The following EXOC4 variants were observed in gnomAD, a reference collection of about 807,000 sequenced individuals.
EXOC4 encodes the protein SEC8-like 1.
Under a neutral mutation model 107.2 loss-of-function variants are expected in EXOC4, and 71 were observed. That is an observed-to-expected ratio of 0.66 (90% CI 0.55 to 0.81). The LOEUF is 0.81. Among genes scored for constraint, EXOC4 ranks in the 30% least tolerant of loss-of-function variants. The probability of loss-of-function intolerance (pLI) is 0.00; values close to 1 mark genes in which losing one functional copy is unlikely to be tolerated. For missense variants in EXOC4, 1,108 were observed against 1,189.6 expected (o/e 0.93, Z 1.01); for synonymous variants, 456 against 441.2 (o/e 1.03, Z -0.42).
intron 10 of EXOC4, among the ~76,000 whole-genome samples, chr7:133,701,594 A>G (rs1251981228): frequency 6.6e-6 from 1 of 152,184 alleles, no homozygotes; most frequent in East Asian, 1.9e-4. Flanking sequence ...GATAAGATTT[A>G]ATTTATAAAT....
intron 9 of EXOC4, among the ~76,000 whole-genome samples, chr7:133,515,196 T>C (rs1278098471): frequency 6.6e-6 from 1 of 152,110 alleles, no homozygotes; most frequent in Non-Finnish European, 1.5e-5. Flanking sequence ...ACCAATATTG[T>C]TTGTGCAATT....
At chr7:133,360,146 AT>A (rs952049965) in intron 6 of EXOC4, among the ~76,000 whole-genome samples, 6 of 152,192 alleles carry the variant, frequency 3.9e-5, no homozygotes, top group African/African-American at 1.2e-4. Flanking sequence ...TTCAGAATCA[AT>A]TTCTTCAACT....
chr7:133,860,513 GAAAAGA>G (rs1218614366), intron 11 of EXOC4, among the ~76,000 whole-genome samples: 3 of 152,146 alleles, frequency 2.0e-5, no homozygotes, highest in African/African-American at 7.2e-5. Flanking sequence ...AAGGACTATG[GAAAAGA>G]AAAAGAAATC....
chr7:133,265,102 C>CT (rs765524685), intron 1 of EXOC4, among the ~76,000 whole-genome samples: 2 of 152,184 alleles, frequency 1.3e-5, no homozygotes, highest in African/African-American at 2.4e-5. Context: ...GCTCTAGACT[C>CT]TTTTTTTCTT....
chr7:134,027,147 C>T (rs1454190903), intron 17 of EXOC4, among the ~76,000 whole-genome samples: 5 of 152,104 alleles, frequency 3.3e-5, no homozygotes, highest in African/African-American at 1.2e-4. Context: ...TCCTTTGTCA[C>T]TTTAACAGTA....
At chr7:133,594,920 G>A (rs1352948397) in intron 9 of EXOC4, among the ~76,000 whole-genome samples, 1 of 152,192 alleles carries the variant, frequency 6.6e-6, no homozygotes, top group Admixed American at 6.5e-5. Flanking sequence ...AGGGGACAGA[G>A]TAATGATGGT....
At chr7:133,336,366 A>C (rs1795512699) in intron 5 of EXOC4, among the ~76,000 whole-genome samples, 1 of 152,094 alleles carries the variant, frequency 6.6e-6, no homozygotes, top group Admixed American at 6.6e-5. Context: ...TGTGTATGGT[A>C]TAAGGTCAGG....
chr7:133,980,976 C>T (rs1253257297), intron 14 of EXOC4, among the ~76,000 whole-genome samples: 1 of 152,134 alleles, frequency 6.6e-6, no homozygotes, highest in African/African-American at 2.4e-5. Context: ...TGTCTGACAC[C>T]AGACAGATTA....
At chr7:133,281,803 G>C (rs1794159610) in intron 2 of EXOC4, among the ~76,000 whole-genome samples, 1 of 151,124 alleles carries the variant, frequency 6.6e-6, no homozygotes, top group African/African-American at 2.4e-5. Context: ...CCGGGTTCAA[G>C]TGATTCTCCT....
chr7:133,573,157 G>A (rs1252140965), intron 9 of EXOC4, among the ~76,000 whole-genome samples: 1 of 152,198 alleles, frequency 6.6e-6, no homozygotes, highest in African/African-American at 2.4e-5. Flanking sequence ...ATATGTTTCT[G>A]TGGAGTTGTC....
At chr7:133,604,773 G>T (rs1416717381) in intron 9 of EXOC4, among the ~76,000 whole-genome samples, 1 of 127,694 alleles carries the variant, frequency 7.8e-6, no homozygotes, top group Non-Finnish European at 1.6e-5. Context: ...GCCCAGGCTG[G>T]AGTGCAGTGG....
At chr7:133,281,876 AT>A (rs1261802532) in intron 2 of EXOC4, among the ~76,000 whole-genome samples, 1 of 151,660 alleles carries the variant, frequency 6.6e-6, no homozygotes, top group African/African-American at 2.4e-5. Context: ...TAATATTTCT[AT>A]TTTTTAGTAG....
chr7:133,886,136 A>G (rs1250017570), intron 11 of EXOC4, among the ~76,000 whole-genome samples: 1 of 152,226 alleles, frequency 6.6e-6, no homozygotes. Flanking sequence ...AAGATGGGCT[A>G]TGAACAATGG....
intron 9 of EXOC4, among the ~76,000 whole-genome samples, chr7:133,623,020 A>G (rs533828405): frequency 6.6e-6 from 1 of 152,276 alleles, no homozygotes; most frequent in South Asian, 2.1e-4. Flanking sequence ...ATGGTAGATA[A>G]TAATATTATA....
intron 10 of EXOC4, among the ~76,000 whole-genome samples, chr7:133,693,735 G>A (rs1466555173): frequency 1.3e-5 from 2 of 152,126 alleles, no homozygotes; most frequent in Non-Finnish European, 2.9e-5. Flanking sequence ...GATAAACCTA[G>A]CCTCCGTAGT....
intron 9 of EXOC4, among the ~76,000 whole-genome samples, chr7:133,522,172 C>A (rs764580869): frequency 5.9e-5 from 9 of 152,006 alleles, no homozygotes; most frequent in Non-Finnish European, 1.3e-4. Context: ...CAAACAAACC[C>A]CTGAACTACA....
intron 17 of EXOC4, among the ~76,000 whole-genome samples, chr7:134,061,864 T>C (rs1263510986): frequency 6.6e-6 from 1 of 152,210 alleles, no homozygotes; most frequent in Non-Finnish European, 1.5e-5. Flanking sequence ...AAGTTTTTCT[T>C]AGAAACAGTG....
intron 7 of EXOC4, among the ~76,000 whole-genome samples, chr7:133,398,122 A>C (rs905981787): frequency 4.6e-5 from 7 of 152,122 alleles, no homozygotes; most frequent in African/African-American, 1.7e-4. Flanking sequence ...GCTTATTGTA[A>C]TCTGGAAAAA....
intron 9 of EXOC4, among the ~76,000 whole-genome samples, chr7:133,588,270 A>C (rs1384868562): frequency 6.6e-6 from 1 of 152,200 alleles, no homozygotes. Flanking sequence ...CCAAAAAAGG[A>C]ATTAAATACC....
Sources: gnomAD v4.1 joint callset for allele counts (sites outside exome capture counted in the v4.1 genomes callset) on GRCh38, gnomAD v4.1.1 for gene constraint, MANE v1.5 for transcripts, NCBI Gene and HGNC (gene_info 2026-07-23, HGNC 2026-07-21) for gene names.